The following PDE1C variants were observed in gnomAD, a reference collection of about 807,000 sequenced individuals.
PDE1C encodes the protein dual specificity calcium/calmodulin-dependent 3',5'-cyclic nucleotide phosphodiesterase 1C.
PDE1C carries 62 observed loss-of-function variants against 93.1 expected under a neutral mutation model. That is an observed-to-expected ratio of 0.67 (90% CI 0.54 to 0.82). The LOEUF (loss-of-function observed/expected upper bound fraction) is 0.82. Ranked by LOEUF, PDE1C falls within the 40% of genes least tolerant of loss-of-function variation. The probability of loss-of-function intolerance (pLI) is 0.00; values close to 1 mark genes in which losing one functional copy is unlikely to be tolerated. For missense variants in PDE1C, 742 were observed against 884.6 expected (o/e 0.84, Z 2.04); for synonymous variants, 325 against 310.1 (o/e 1.05, Z -0.50).
intron 2 of PDE1C, among the ~76,000 whole-genome samples, chr7:31,888,744 T>C (rs1798269379): frequency 6.6e-6 from 1 of 152,048 alleles, no homozygotes; most frequent in African/African-American, 2.4e-5. Flanking sequence ...CTGAATATTG[T>C]ATGGGAAGTC....
intron 2 of PDE1C, among the ~76,000 whole-genome samples, chr7:31,955,776 T>C (rs1483151690): frequency 6.6e-6 from 1 of 152,182 alleles, no homozygotes; most frequent in Non-Finnish European, 1.5e-5. Context: ...TGAAGGAATA[T>C]ACTGATTTAC....
At chr7:31,627,245 A>G in the PDE1C span, among the ~76,000 whole-genome samples, 2 of 152,248 alleles carry the variant, frequency 1.3e-5, no homozygotes, top group Non-Finnish European at 2.9e-5. Flanking sequence ...TGAATAAGTG[A>G]GACTACATCA....
intron 1 of PDE1C, among the ~76,000 whole-genome samples, chr7:32,357,777 G>A: frequency 6.6e-6 from 1 of 152,158 alleles, no homozygotes; most frequent in African/African-American, 2.4e-5. Context: ...AATCACTGGA[G>A]CCTGCAACCT....
chr7:32,075,016 G>A (rs1257477336), upstream of PDE1C, among the ~76,000 whole-genome samples: 2 of 152,178 alleles, frequency 1.3e-5, no homozygotes, highest in Non-Finnish European at 2.9e-5. Context: ...GAGGGTACCT[G>A]CTGCCCTGAA....
In PDE1C at chr7:31,776,555, C is replaced by T. The variant is rs1483205287; in HGVS notation, c.1892-823G>A. ...ACAAAGGGAGAACTGAGAGGTCCTG[C>T]CAAAAAATTTTACATTTTTTGTATA... On this transcript the variant is annotated intron_variant, in intron 16 of 17. Coordinates refer to ENST00000396191, the MANE Select transcript of PDE1C (RefSeq NM_001191057.4). 2.6e-5 allele frequency among the ~76,000 whole-genome samples: 4 copies of T among 151,810 alleles called. No individual in the cohort carries two copies. The South Asian group carries it at 8.3e-4, about 32-fold the overall frequency.
chr7:31,916,748 A>C (rs1192580502), intron 2 of PDE1C, among the ~76,000 whole-genome samples: 2 of 152,182 alleles, frequency 1.3e-5, no homozygotes, highest in African/African-American at 4.8e-5. Flanking sequence ...TAGACAAAAC[A>C]AAATACTAGT....
chr7:32,194,541 T>C (rs987505821), intron 2 of PDE1C, among the ~76,000 whole-genome samples: 3 of 152,254 alleles, frequency 2.0e-5, no homozygotes, highest in South Asian at 2.1e-4. Flanking sequence ...TTTATTATTA[T>C]ATAATGTTTC....
chr7:32,296,363 TA>T (rs1812608563), intron 1 of PDE1C, among the ~76,000 whole-genome samples: 1 of 152,264 alleles, frequency 6.6e-6, no homozygotes, highest in Non-Finnish European at 1.5e-5. Context: ...CCCATGATAT[TA>T]GCTTAGTGCC....
intron 1 of PDE1C, among the ~76,000 whole-genome samples, chr7:32,057,304 T>C (rs1794251854): frequency 6.6e-6 from 1 of 152,184 alleles, no homozygotes; most frequent in South Asian, 2.1e-4. Context: ...CTTAAGTAAA[T>C]TAAAAGACCA....
chr7:32,014,134 A>G lies in PDE1C; in HGVS notation c.128+37420T>C, dbSNP rs549243146. Among the ~76,000 whole-genome samples, 7 of 152,370 alleles carry G rather than the reference A, an allele frequency of 4.6e-5. No homozygotes were observed. In the South Asian group the frequency reaches 1.5e-3, roughly 32 times the overall value. On this transcript the variant is annotated intron_variant, in intron 2 of 17. Transcript: ENST00000396191. ...CTTCACAATATGTAGCTGAAAGACC[A>G]GACCCAGAAAAAAGTGCAATGCACT...
chr7:31,985,746 T>C (rs958084356), intron 2 of PDE1C, among the ~76,000 whole-genome samples: 1 of 150,026 alleles, frequency 6.7e-6, no homozygotes, highest in East Asian at 1.9e-4. Context: ...GCAAAGGACA[T>C]GAATTCATCT....
At chr7:32,392,379 C>T (rs1784766093) in intron 1 of PDE1C, among the ~76,000 whole-genome samples, 1 of 152,070 alleles carries the variant, frequency 6.6e-6, no homozygotes, top group Non-Finnish European at 1.5e-5. Context: ...AAAATAATAC[C>T]AATTCTTCAC....
At chr7:32,344,445 T>C (rs1403385470) in intron 1 of PDE1C, among the ~76,000 whole-genome samples, 1 of 152,204 alleles carries the variant, frequency 6.6e-6, no homozygotes, top group Non-Finnish European at 1.5e-5. Flanking sequence ...CCAGATTTCC[T>C]TTCTGACTTC....
At chr7:32,357,035 T>C (rs545249055) in intron 1 of PDE1C, among the ~76,000 whole-genome samples, 1 of 152,288 alleles carries the variant, frequency 6.6e-6, no homozygotes, top group Non-Finnish European at 1.5e-5. Flanking sequence ...GCATATCATT[T>C]GTGTATAAAA....
At chr7:32,319,984 G>A (rs1015207439) in intron 1 of PDE1C, among the ~76,000 whole-genome samples, 1 of 152,092 alleles carries the variant, frequency 6.6e-6, no homozygotes, top group Non-Finnish European at 1.5e-5. Flanking sequence ...AGAGTCCCAC[G>A]GTCTTAGGGA....
chr7:32,216,471 A>T (rs542712111), intron 1 of PDE1C, among the ~76,000 whole-genome samples: 1 of 152,164 alleles, frequency 6.6e-6, no homozygotes, highest in African/African-American at 2.4e-5. Context: ...CCTGGCATAC[A>T]ATATTTATGG....
intron 1 of PDE1C, among the ~76,000 whole-genome samples, chr7:32,366,038 C>A (rs979807246): frequency 1.3e-5 from 2 of 152,108 alleles, no homozygotes; most frequent in Non-Finnish European, 2.9e-5. Context: ...GGAAACATGA[C>A]ACCTCCAAAT....
chr7:32,371,667 G>T (rs958108471), intron 1 of PDE1C, among the ~76,000 whole-genome samples: 1 of 152,160 alleles, frequency 6.6e-6, no homozygotes. Context: ...TAAAATATTT[G>T]TAAAACTTTG....
chr7:31,847,167 C>T (rs1183872954), intron 9 of PDE1C, among the ~76,000 whole-genome samples: 3 of 152,096 alleles, frequency 2.0e-5, no homozygotes, highest in Non-Finnish European at 4.4e-5. Flanking sequence ...ACAAAGTGTG[C>T]TAAGCATTTT....
Sources: gnomAD v4.1 joint callset for allele counts (sites outside exome capture counted in the v4.1 genomes callset) on GRCh38, gnomAD v4.1.1 for gene constraint, MANE v1.5 for transcripts, NCBI Gene and HGNC (gene_info 2026-07-23, HGNC 2026-07-21) for gene names.